Variants in PANK4 observed in about 807,000 individuals in gnomAD.
PANK4 encodes 4'-phosphopantetheine phosphatase.
Under a neutral mutation model 87.9 loss-of-function variants are expected in PANK4, and 40 were observed. That is an observed-to-expected ratio of 0.46 (90% CI 0.35 to 0.59). PANK4 has a LOEUF of 0.59. Ranked by LOEUF, PANK4 falls within the 20% of genes least tolerant of loss-of-function variation. The pLI, the probability that PANK4 is intolerant of heterozygous loss-of-function variation, is 0.00. For missense variants in PANK4, 926 were observed against 1,072.3 expected, an observed-to-expected ratio of 0.86 and a Z score of 1.90; for synonymous variants, 524 against 467.4, an observed-to-expected ratio of 1.12 and a Z score of -1.56.
At chr1:2,511,606 C>G in intron 14 of PANK4, 22 bp downstream of exon 14, 1 of 1,571,306 alleles carries the variant, frequency 6.4e-7, no homozygotes, top group African/African-American at 1.3e-5. Flanking sequence ...GGCAAGGCCC[C>G]AAGTTACTTG....
chr1:2,521,385 C>T (rs930655807), intron 2 of PANK4, 70 bp from the exon 3 acceptor site: 21 of 1,222,544 alleles, frequency 1.7e-5, no homozygotes, highest in Non-Finnish European at 2.4e-5. Flanking sequence ...GCGCACCCTG[C>T]CCTAGTGGAG....
Position 2,519,102 on chromosome 1 carries a change from G to T in PANK4, c.1035+41C>A, listed in dbSNP as rs1403634722. On this transcript the variant is annotated intron_variant, in intron 7 of 18. Transcript: ENST00000378466. This position sits in a 1 kb window ranked among gnomAD's most constrained non-coding sequence, Gnocchi z 8.3. ...CATGACTGATTGGGAAGATCCTGGGGGGTCTGCGTTAGAGGCTGGGGAGGG... is the reference window on the plus strand; with the variant it reads ...CATGACTGATTGGGAAGATCCTGGGTGGTCTGCGTTAGAGGCTGGGGAGGG... The T allele has an allele frequency of 1.3e-6, 2 of 1,567,628 alleles. No homozygotes were observed. The highest frequency in any genetic ancestry group is 4.5e-5 in the East Asian group (2 of 44,450).
chr1:2,521,913 G>C lies in PANK4; in HGVS notation c.125-113C>G, dbSNP rs140652379. 210 of 804,164 alleles carry C rather than the reference G, an allele frequency of 2.6e-4. No individual in the cohort carries two copies. The African/African-American group carries it at 3.3e-3, about 13-fold the overall frequency. 49.8% of individuals were successfully genotyped at this position (804,164 alleles called of 1,614,324 possible). On this transcript the variant is annotated intron_variant, in intron 1 of 18. Transcript: ENST00000378466. ...GGAGACTAAAGTCTCTGTAGATGAG[G>C]GGTTTGGGGCTACTGGAACTTAAAA...
intron 12 of PANK4, among the ~76,000 whole-genome samples, 153 bp from the exon 13 acceptor site, chr1:2,513,192 G>C (rs1643693914): frequency 1.3e-5 from 2 of 152,372 alleles, no homozygotes; most frequent in South Asian, 4.1e-4. Flanking sequence ...TATCGGTCCG[G>C]GACAGTGGCC....
At chr1:2,525,050 A>G (rs904537608) in intron 1 of PANK4, among the ~76,000 whole-genome samples, 6 of 152,146 alleles carry the variant, frequency 3.9e-5, no homozygotes, top group Non-Finnish European at 4.4e-5. Context: ...GCCTCCCATA[A>G]GCTCACTGAA....
chr1:2,510,007 T>G lies in PANK4; in HGVS notation c.2039+50A>C. 6.3e-7 allele frequency: 1 copy of G among 1,577,848 alleles called. No homozygotes were observed. On this transcript the variant is annotated intron_variant, in intron 17 of 18. Coordinates refer to ENST00000378466, the MANE Select transcript of PANK4 (RefSeq NM_018216.4). The surrounding 1 kb of genome is among the most constrained non-coding windows in gnomAD (Gnocchi z 4.9). ...ATCCCCATGGCCCACTCTGCCCAGCTGGTGCCCCTCCCCATCAAGGCCCCC... is the reference window on the plus strand; with the variant it reads ...ATCCCCATGGCCCACTCTGCCCAGCGGGTGCCCCTCCCCATCAAGGCCCCC...
rs1643643293 is a variant in PANK4 at position 2,510,523 on chromosome 1, T to A, written c.1938+155A>T. The A allele has an allele frequency of 9.3e-6, 6 of 646,652 alleles. No individual in the cohort carries two copies. The highest frequency in any genetic ancestry group is 4.3e-4 in the Middle Eastern group (1 of 2,344). The allele number at this position is 646,652 out of a possible 1,614,324, so 40.1% of individuals were successfully genotyped here. ...GGCTCGGAGCCTCCACCCCAGCAGA[T>A]GACGGCTCTGGGCCGCCTCCCCCGT... On this transcript the variant is annotated intron_variant, in intron 16 of 18. Coordinates refer to ENST00000378466, the MANE Select transcript of PANK4 (RefSeq NM_018216.4). This position sits in a 1 kb window ranked among gnomAD's most constrained non-coding sequence, Gnocchi z 4.9.
chr1:2,526,386 G>C, intron 1 of PANK4, 78 bp downstream of exon 1: 55 of 551,122 alleles, frequency 1.0e-4, no homozygotes, highest in South Asian at 1.5e-4. Flanking sequence ...CGTCCTTCCC[G>C]CCGCCCCCGC....
chr1:2,513,068 A>G (rs1250377908), intron 12 of PANK4, 29 bp from the exon 13 acceptor site: 4 of 1,565,062 alleles, frequency 2.6e-6, no homozygotes, highest in African/African-American at 2.7e-5. Context: ...GCCAGGCCTG[A>G]GTGAAGACGT....
In PANK4 at chr1:2,510,001, C is replaced by A; in HGVS notation, c.2039+56G>T. 1.3e-6 allele frequency: 2 copies of A among 1,576,650 alleles called. No homozygotes were observed. Among genetic ancestry groups the A allele is most frequent in the Non-Finnish European group, 1.7e-6 (2 of 1,154,572 alleles). On this transcript the variant is annotated intron_variant, in intron 17 of 18. Coordinates refer to ENST00000378466, the MANE Select transcript of PANK4 (RefSeq NM_018216.4). The surrounding 1 kb of genome is among the most constrained non-coding windows in gnomAD (Gnocchi z 4.9). ...GTGACAATCCCCATGGCCCACTCTG[C>A]CCAGCTGGTGCCCCTCCCCATCAAG...
rs755758196 is a variant in PANK4, at chr1:2,520,447, TGGGCCCTCAGC to T, written c.607-44_607-34del. On this transcript the variant is annotated intron_variant, in intron 4 of 18. Coordinates refer to ENST00000378466, the MANE Select transcript of PANK4 (RefSeq NM_018216.4). The surrounding 1 kb of genome is among the most constrained non-coding windows in gnomAD (Gnocchi z 6.2). ...AGAGCCAGGGCAGGTGTGCCCTCAG[TGGGCCCTCAGC>T]CACACAGGCTCCCCCGCCCCCCGCC... is the stretch of plus-strand genomic sequence containing the variant. 5 of 1,578,860 alleles carry T rather than the reference TGGGCCCTCAGC, an allele frequency of 3.2e-6. No individual in the cohort carries two copies. The African/African-American group carries it at 6.7e-5, about 21-fold the overall frequency.
In PANK4 at chr1:2,519,398, G is replaced by T. The variant is rs1643845554; in HGVS notation, c.854-74C>A. The T allele has an allele frequency of 1.4e-6, 1 of 692,432 alleles. No individual in the cohort carries two copies. The highest frequency in any genetic ancestry group is 2.1e-6 in the Non-Finnish European group (1 of 468,608). The allele number at this position is 692,432 out of a possible 1,614,324, so 42.9% of individuals were successfully genotyped here. A position where few individuals can be genotyped will look rare whatever the true frequency, so the allele number is the denominator to read the frequency against. The stretch of plus-strand genomic sequence containing the variant: ...CGACATGAGAGCGAGCAGGAGGGGA[G>T]GGGGAGAGAGAGCTGAGTGGGAGGG... On this transcript the variant is annotated intron_variant, in intron 6 of 18. Coordinates refer to ENST00000378466, the MANE Select transcript of PANK4 (RefSeq NM_018216.4). This position sits in a 1 kb window ranked among gnomAD's most constrained non-coding sequence, Gnocchi z 8.3.
In PANK4 at chr1:2,521,159, C is replaced by T; in HGVS notation, c.364G>A (p.Ala122Thr). The T allele has an allele frequency of 6.2e-7, 1 of 1,614,010 alleles. No individual in the cohort carries two copies. The highest frequency in any genetic ancestry group is 8.5e-7 in the Non-Finnish European group (1 of 1,180,036). The change falls in exon 3 of 19, where the codon GCG becomes ACG. Residue 122 changes from alanine (A) to threonine (T), a missense_variant. Transcript: ENST00000378466. ...LVNTETKVIQATGGGAYKFKD... is the reference protein window; with the variant it reads ...LVNTETKVIQTTGGGAYKFKD... ...AACTTGTAGGCCCCGCCCCCGGTCG[C>T]CTGGATGACCTTGGTCTCTGTGTTG...
At position 2,520,044 on chromosome 1, in the gene PANK4, C is replaced by T. The variant is rs564909870; in HGVS notation, c.700-90G>A. ...AACCAAGCCCATGGCAGGAGGCACG[C>T]GCGGGCAGGGGGTAAATGGGCCCTC... On this transcript the variant is annotated intron_variant, in intron 5 of 18. Coordinates refer to ENST00000378466, the MANE Select transcript of PANK4 (RefSeq NM_018216.4). This position sits in a 1 kb window ranked among gnomAD's most constrained non-coding sequence, Gnocchi z 6.2. 19 of 1,294,986 alleles carry T rather than the reference C, an allele frequency of 1.5e-5. No homozygotes were observed. Among genetic ancestry groups the T allele is most frequent in the South Asian group, 1.2e-4 (8 of 68,268 alleles). 80.2% of individuals were successfully genotyped at this position (1,294,986 alleles called of 1,614,324 possible). A position where few individuals can be genotyped will look rare whatever the true frequency, so the allele number is the denominator to read the frequency against.
rs770114158 is a variant in PANK4 at position 2,510,878 on chromosome 1, G to A, written c.1834-96C>T. ...CCCGTCACGCTGCCCTGCAGGGGCCGAGACTGGGGGCTTCAGGGCCCCAGA... is the reference window on the plus strand; with the variant it reads ...CCCGTCACGCTGCCCTGCAGGGGCCAAGACTGGGGGCTTCAGGGCCCCAGA... On this transcript the variant is annotated intron_variant, in intron 15 of 18. Transcript: ENST00000378466. This position sits in a 1 kb window ranked among gnomAD's most constrained non-coding sequence, Gnocchi z 4.9. The A allele has an allele frequency of 1.2e-5, 9 of 757,130 alleles. No individual in the cohort carries two copies. The highest frequency in any genetic ancestry group is 6.0e-5 in the Admixed American group (3 of 49,694). 46.9% of individuals were successfully genotyped at this position (757,130 alleles called of 1,614,324 possible).
rs2100786975 is a variant in PANK4, at chr1:2,519,058, T to C, written c.1035+85A>G. The C allele has an allele frequency of 7.8e-7, 1 of 1,283,448 alleles. No homozygotes were observed. The allele number at this position is 1,283,448 out of a possible 1,614,324, so 79.5% of individuals were successfully genotyped here. On this transcript the variant is annotated intron_variant, in intron 7 of 18. Coordinates refer to ENST00000378466, the MANE Select transcript of PANK4 (RefSeq NM_018216.4). This position sits in a 1 kb window ranked among gnomAD's most constrained non-coding sequence, Gnocchi z 8.3. ...CCCACCCTCCAGGCCTCCCTGGGGG[T>C]GCTGCGGTGTCTAACCAGCATGACT...
rs766254298 is a variant in PANK4 at position 2,520,027 on chromosome 1, C to G, written c.700-73G>C. 1.3e-5 allele frequency: 19 copies of G among 1,429,768 alleles called. No individual in the cohort carries two copies. The highest frequency in any genetic ancestry group is 1.8e-5 in the Non-Finnish European group (19 of 1,066,262). The allele number at this position is 1,429,768 out of a possible 1,614,324, so 88.6% of individuals were successfully genotyped here. On this transcript the variant is annotated intron_variant, in intron 5 of 18. Transcript: ENST00000378466. This position sits in a 1 kb window ranked among gnomAD's most constrained non-coding sequence, Gnocchi z 6.2. ...ATCCCCACGACCCCAGAAACCAAGC[C>G]CATGGCAGGAGGCACGCGCGGGCAG...
intron 7 of PANK4, 90 bp from the exon 8 acceptor site, chr1:2,518,687 C>T (rs2494589): frequency 0.013 from 14,575 of 1,115,870 alleles, 427 homozygotes; most frequent in African/African-American, 0.11. Flanking sequence ...GGCCTCGCAC[C>T]GCGCGGCCCA....
chr1:2,515,470 C>T lies in PANK4; in HGVS notation c.1374+92G>A. 1 of 1,371,632 alleles carries T rather than the reference C, an allele frequency of 7.3e-7. No individual in the cohort carries two copies. Among genetic ancestry groups the T allele is most frequent in the Non-Finnish European group, 1.0e-6 (1 of 965,290 alleles). 85.0% of individuals were successfully genotyped at this position (1,371,632 alleles called of 1,614,324 possible). A position where few individuals can be genotyped will look rare whatever the true frequency, so the allele number is the denominator to read the frequency against. ...GGTTTCTGGACAACACTGGCCTGTCCCCCTTCGCCACCTTGGCTTTGCCCC... is the reference window on the plus strand; with the variant it reads ...GGTTTCTGGACAACACTGGCCTGTCTCCCTTCGCCACCTTGGCTTTGCCCC... On this transcript the variant is annotated intron_variant, in intron 10 of 18. Transcript: ENST00000378466. This position sits in a 1 kb window ranked among gnomAD's most constrained non-coding sequence, Gnocchi z 5.0.
Sources: gnomAD v4.1 joint callset for allele counts (sites outside exome capture counted in the v4.1 genomes callset) on GRCh38, gnomAD v4.1.1 for gene constraint, Gnocchi (gnomAD v3.1) non-coding constraint, MANE v1.5 for transcripts, NCBI Gene and HGNC (gene_info 2026-07-23, HGNC 2026-07-21) for gene names.